SORCS1: variants seen among roughly 807,000 people sequenced by gnomAD.
The protein encoded by SORCS1 is sortilin related VPS10 domain containing receptor 1.
SORCS1 carries 60 observed loss-of-function variants against 146.1 expected under a neutral mutation model. That is an observed-to-expected ratio of 0.41 (90% CI 0.33 to 0.51). The LOEUF (loss-of-function observed/expected upper bound fraction) is 0.51. SORCS1 is among the 20% of genes least tolerant of loss of function. SORCS1 has a pLI of 0.21. For missense variants in SORCS1, 1,352 were observed against 1,487.6 expected (o/e 0.91, Z 1.50); for synonymous variants, 637 against 584.0 (o/e 1.09, Z -1.31).
At chr10:106,953,777 A>C (rs1011754270) in intron 2 of SORCS1, among the ~76,000 whole-genome samples, 3 of 152,236 alleles carry the variant, frequency 2.0e-5, no homozygotes, top group African/African-American at 7.2e-5. Flanking sequence ...ATGTCTAAAC[A>C]AAAGAGATAC....
intron 3 of SORCS1, among the ~76,000 whole-genome samples, chr10:106,796,852 G>C (rs1250829869): frequency 6.6e-6 from 1 of 152,242 alleles, no homozygotes; most frequent in Non-Finnish European, 1.5e-5. Context: ...GCTCTTGCCT[G>C]TAATCCCAGC....
intron 20 of SORCS1, among the ~76,000 whole-genome samples, chr10:106,619,922 G>A (rs540416717): frequency 4.3e-4 from 65 of 152,172 alleles, no homozygotes; most frequent in Admixed American, 1.1e-3. Flanking sequence ...GCCATTGGGG[G>A]TGGGTTGTAA....
At chr10:107,110,009 C>T (rs10884417) in intron 1 of SORCS1, among the ~76,000 whole-genome samples, 2 of 152,156 alleles carry the variant, frequency 1.3e-5, no homozygotes, top group South Asian at 2.1e-4. Flanking sequence ...CAAGGTATAA[C>T]AAGGGTTCAG....
chr10:106,971,118 C>A (rs557887202), intron 1 of SORCS1, among the ~76,000 whole-genome samples: 1 of 152,076 alleles, frequency 6.6e-6, no homozygotes, highest in Admixed American at 6.6e-5. Flanking sequence ...GTTGCCACCA[C>A]GATATTTTAA....
intron 2 of SORCS1, among the ~76,000 whole-genome samples, chr10:106,878,873 C>T (rs930574411): frequency 3.3e-5 from 5 of 151,302 alleles, no homozygotes; most frequent in African/African-American, 7.3e-5. Context: ...TTTCCCTGGG[C>T]GCAATGACTC....
chr10:106,970,896 G>T (rs969423486), intron 1 of SORCS1, among the ~76,000 whole-genome samples: 2 of 142,712 alleles, frequency 1.4e-5, no homozygotes, highest in African/African-American at 5.2e-5. Flanking sequence ...CCGCCACCAT[G>T]CACAGCTAAT....
At chr10:106,703,599 C>T (rs895441069) in intron 8 of SORCS1, among the ~76,000 whole-genome samples, 2 of 152,164 alleles carry the variant, frequency 1.3e-5, no homozygotes, top group South Asian at 2.1e-4. Context: ...TTGAGCACAG[C>T]TCAGGGTGAC....
chr10:106,690,231 A>G (rs1314025522), intron 9 of SORCS1, among the ~76,000 whole-genome samples: 2 of 152,268 alleles, frequency 1.3e-5, no homozygotes, highest in African/African-American at 4.8e-5. Context: ...AAGCTGTTAC[A>G]TACTCAAATA....
At chr10:106,887,897 C>T (rs1286472268) in intron 2 of SORCS1, among the ~76,000 whole-genome samples, 3 of 152,226 alleles carry the variant, frequency 2.0e-5, no homozygotes, top group Admixed American at 6.5e-5. Context: ...TACACTCTAA[C>T]TGAAGATGGA....
chr10:106,915,073 C>T (rs950094226), intron 2 of SORCS1, among the ~76,000 whole-genome samples: 2 of 152,214 alleles, frequency 1.3e-5, no homozygotes, highest in East Asian at 1.9e-4. Context: ...TGCTTATCTT[C>T]AGCTCAGTTC....
intron 3 of SORCS1, among the ~76,000 whole-genome samples, chr10:106,800,675 C>A (rs2484974): frequency 0.2 from 30,631 of 151,706 alleles, 3,597 homozygotes; most frequent in Non-Finnish European, 0.27. Flanking sequence ...GCGCACACCG[C>A]CACACCCAGC....
intron 1 of SORCS1, among the ~76,000 whole-genome samples, chr10:106,988,270 T>C (rs919889849): frequency 5.3e-5 from 8 of 152,222 alleles, no homozygotes; most frequent in African/African-American, 2.4e-5. Flanking sequence ...TTCTAAAACG[T>C]TGGTGGCTTT....
At chr10:106,798,542 G>T (rs1441867984) in intron 3 of SORCS1, among the ~76,000 whole-genome samples, 10 of 150,328 alleles carry the variant, frequency 6.7e-5, no homozygotes, top group Non-Finnish European at 1.2e-4. Context: ...GCAGTGTTTG[G>T]TTTTTTGTCC....
At chr10:106,640,647 A>G (rs1398894543) in intron 18 of SORCS1, among the ~76,000 whole-genome samples, 2 of 152,144 alleles carry the variant, frequency 1.3e-5, no homozygotes, top group African/African-American at 4.8e-5. Context: ...GGCCTTTGCC[A>G]TTTATCCTGT....
intron 17 of SORCS1, among the ~76,000 whole-genome samples, chr10:106,657,644 A>C (rs1850400484): frequency 1.5e-5 from 2 of 132,502 alleles, no homozygotes; most frequent in African/African-American, 5.6e-5. Context: ...ATATATCTCA[A>C]AAATATATAA....
At chr10:106,667,892 A>G (rs991155002) in intron 16 of SORCS1, 90 bp from the exon 17 acceptor site, 2 of 738,698 alleles carry the variant, frequency 2.7e-6, no homozygotes, top group Non-Finnish European at 4.6e-6. Flanking sequence ...GTTCCACACT[A>G]ATCAATTAGT....
At chr10:106,895,908 T>C (rs1435061996) in intron 2 of SORCS1, among the ~76,000 whole-genome samples, 2 of 150,896 alleles carry the variant, frequency 1.3e-5, no homozygotes, top group Non-Finnish European at 2.9e-5. Context: ...TTATCATACA[T>C]ATACATATAT....
intron 2 of SORCS1, among the ~76,000 whole-genome samples, chr10:106,945,812 A>G (rs1240663937): frequency 1.3e-5 from 2 of 152,224 alleles, no homozygotes; most frequent in East Asian, 3.8e-4. Context: ...AAACAAGGAG[A>G]GCAGGGGTGC....
intron 3 of SORCS1, among the ~76,000 whole-genome samples, chr10:106,823,107 A>T (rs1468531275): frequency 6.6e-6 from 1 of 152,174 alleles, no homozygotes; most frequent in Non-Finnish European, 1.5e-5. Flanking sequence ...TGAAACATAC[A>T]TCCTTGTTAA....
Sources: gnomAD v4.1 joint callset for allele counts (sites outside exome capture counted in the v4.1 genomes callset) on GRCh38, gnomAD v4.1.1 for gene constraint, MANE v1.5 for transcripts, NCBI Gene and HGNC (gene_info 2026-07-23, HGNC 2026-07-21) for gene names.